NPAS3: variants seen among roughly 807,000 people sequenced by gnomAD.
NPAS3 encodes the protein neuronal PAS domain protein 3, also known as neuronal PAS domain-containing protein 3.
Under a neutral mutation model 73.1 loss-of-function variants are expected in NPAS3, and 14 were observed. That is an observed-to-expected ratio of 0.19 (90% confidence interval 0.13 to 0.30). The LOEUF (loss-of-function observed/expected upper bound fraction) is 0.30, where lower values mean the gene tolerates loss of function less well. Ranked by LOEUF, NPAS3 falls within the 10% of genes least tolerant of loss-of-function variation. The pLI is 1.00. For missense variants in NPAS3, 1,096 were observed against 1,250.0 expected (o/e 0.88, Z 1.86); for synonymous variants, 620 against 541.5 (o/e 1.14, Z -2.01).
At chr14:33,251,758 T>C (rs907788077) in intron 3 of NPAS3, among the ~76,000 whole-genome samples, 5 of 152,150 alleles carry the variant, frequency 3.3e-5, no homozygotes, top group African/African-American at 1.2e-4. Flanking sequence ...TGCTTCAATT[T>C]CATATTATTG....
intron 1 of NPAS3, among the ~76,000 whole-genome samples, chr14:32,944,582 G>A (rs2036174130): frequency 6.6e-6 from 1 of 152,134 alleles, no homozygotes; most frequent in Admixed American, 6.6e-5. Context: ...TCATTGGTCA[G>A]TGTAATAAAC....
chr14:33,698,680 C>T (rs1370965577), intron 6 of NPAS3, among the ~76,000 whole-genome samples: 2 of 152,224 alleles, frequency 1.3e-5, no homozygotes, highest in East Asian at 3.8e-4. Flanking sequence ...TTCCCTTCCT[C>T]AGACAGGTTT....
At chr14:33,389,587 C>T (rs947066006) in intron 4 of NPAS3, among the ~76,000 whole-genome samples, 1 of 152,078 alleles carries the variant, frequency 6.6e-6, no homozygotes, top group Non-Finnish European at 1.5e-5. Context: ...GTGAGTTTAG[C>T]GGGGGCTGTT....
chr14:33,367,655 AT>A (rs367639255), intron 4 of NPAS3, among the ~76,000 whole-genome samples: 117 of 146,932 alleles, frequency 8.0e-4, no homozygotes, highest in South Asian at 3.7e-3. Flanking sequence ...AAGTACTGTG[AT>A]TTTTTTTTTT....
intron 1 of NPAS3, among the ~76,000 whole-genome samples, chr14:33,041,405 T>G (rs893312989): frequency 6.6e-6 from 1 of 152,220 alleles, no homozygotes; most frequent in Non-Finnish European, 1.5e-5. Flanking sequence ...AATTTTGCGA[T>G]GATGACAATT....
chr14:33,305,223 A>G (rs1475863473), intron 3 of NPAS3, among the ~76,000 whole-genome samples: 2 of 152,132 alleles, frequency 1.3e-5, no homozygotes, highest in Admixed American at 1.3e-4. Context: ...ATAATAATAT[A>G]ATTATTTTTC....
At chr14:33,720,396 A>G (rs1374754644) in intron 6 of NPAS3, among the ~76,000 whole-genome samples, 1 of 152,158 alleles carries the variant, frequency 6.6e-6, no homozygotes, top group East Asian at 1.9e-4. Context: ...GGAACGTATA[A>G]TTAAGGTGAC....
intron 2 of NPAS3, among the ~76,000 whole-genome samples, chr14:33,114,294 C>T (rs1049675483): frequency 1.3e-5 from 2 of 152,150 alleles, no homozygotes; most frequent in African/African-American, 4.8e-5. Context: ...CTTTGGCCTC[C>T]CACATTGCTG....
At chr14:33,426,982 C>G (rs2048579445) in intron 4 of NPAS3, among the ~76,000 whole-genome samples, 1 of 151,974 alleles carries the variant, frequency 6.6e-6, no homozygotes, top group Non-Finnish European at 1.5e-5. Flanking sequence ...TTTTGTTTTT[C>G]TTTACTGATG....
chr14:33,450,174 C>T (rs2049724775), intron 4 of NPAS3, among the ~76,000 whole-genome samples: 2 of 152,324 alleles, frequency 1.3e-5, no homozygotes, highest in South Asian at 4.2e-4. Context: ...GCTGGCTGCT[C>T]TTCTGGGACA....
chr14:33,789,650 G>T (rs1486630345), intron 9 of NPAS3, among the ~76,000 whole-genome samples: 1 of 133,320 alleles, frequency 7.5e-6, no homozygotes, highest in Non-Finnish European at 1.6e-5. Flanking sequence ...GTGCAGTGGC[G>T]GGATCTCGGC....
intron 4 of NPAS3, among the ~76,000 whole-genome samples, chr14:33,434,560 A>G (rs2048908523): frequency 6.6e-6 from 1 of 152,090 alleles, no homozygotes; most frequent in South Asian, 2.1e-4. Context: ...AATGAAATAG[A>G]ATGACAAATG....
chr14:33,710,442 C>T (rs2060785206), intron 6 of NPAS3, among the ~76,000 whole-genome samples: 1 of 152,186 alleles, frequency 6.6e-6, no homozygotes, highest in African/African-American at 2.4e-5. Context: ...CCACCAGACT[C>T]ACTGGAACCT....
At chr14:33,412,576 T>G (rs150507302) in intron 4 of NPAS3, among the ~76,000 whole-genome samples, 30 of 152,308 alleles carry the variant, frequency 2.0e-4, no homozygotes, top group African/African-American at 5.3e-4. Flanking sequence ...ATTGCCAAAT[T>G]TATTCCAAGG....
At chr14:33,058,206 A>G (rs1368545014) in intron 2 of NPAS3, among the ~76,000 whole-genome samples, 1 of 152,040 alleles carries the variant, frequency 6.6e-6, no homozygotes, top group Admixed American at 6.6e-5. Flanking sequence ...TATCAAGAGT[A>G]GGGAGATGTA....
intron 5 of NPAS3, among the ~76,000 whole-genome samples, chr14:33,623,748 G>A (rs1053953112): frequency 2.0e-5 from 3 of 152,204 alleles, no homozygotes; most frequent in African/African-American, 4.8e-5. Context: ...CTATTATTTC[G>A]TTGTCTTTCA....
intron 6 of NPAS3, among the ~76,000 whole-genome samples, chr14:33,713,144 T>C (rs2060868415): frequency 6.6e-6 from 1 of 152,184 alleles, no homozygotes; most frequent in South Asian, 2.1e-4. Flanking sequence ...TCATCTACTA[T>C]CTGCCAACAG....
intron 5 of NPAS3, among the ~76,000 whole-genome samples, chr14:33,608,181 C>A: frequency 6.6e-6 from 1 of 152,152 alleles, no homozygotes; most frequent in East Asian, 1.9e-4. Context: ...TTTGAACATT[C>A]TTTAGAAAAC....
At chr14:32,967,771 T>TC (rs1555311732) in intron 1 of NPAS3, among the ~76,000 whole-genome samples, 2 of 147,310 alleles carry the variant, frequency 1.4e-5, no homozygotes, top group East Asian at 2.0e-4. Flanking sequence ...CAACAGCATG[T>TC]GGGGGGGGGT....
Sources: gnomAD v4.1 joint callset for allele counts (sites outside exome capture counted in the v4.1 genomes callset) on GRCh38, gnomAD v4.1.1 for gene constraint, MANE v1.5 for transcripts, NCBI Gene and HGNC (gene_info 2026-07-23, HGNC 2026-07-21) for gene names.